MGAT4C: variants seen among roughly 807,000 people sequenced by gnomAD.
The protein encoded by MGAT4C is MGAT4 family member C.
MGAT4C carries 19 observed loss-of-function variants against 40.1 expected under a neutral mutation model. The observed-to-expected ratio is 0.47, with a 90% CI of 0.33 to 0.70. The LOEUF (loss-of-function observed/expected upper bound fraction) is 0.70. MGAT4C is among the 30% of genes least tolerant of loss of function. The pLI is 0.02. For missense variants in MGAT4C, 491 were observed against 563.2 expected, an observed-to-expected ratio of 0.87 and a Z score of 1.30; for synonymous variants, 181 against 187.1, an observed-to-expected ratio of 0.97 and a Z score of 0.27.
chr12:85,988,030 T>C (rs942687806), intron 3 of MGAT4C, among the ~76,000 whole-genome samples: 7 of 152,222 alleles, frequency 4.6e-5, no homozygotes, highest in African/African-American at 1.4e-4. Context: ...GTTGTCCTTA[T>C]TATATCTCAT....
At chr12:86,311,049 A>C (rs191244751) in intron 4 of MGAT4C, among the ~76,000 whole-genome samples, 1 of 152,332 alleles carries the variant, frequency 6.6e-6, no homozygotes, top group East Asian at 1.9e-4. Context: ...TCTCCAGATG[A>C]CTTTTCTATA....
chr12:86,296,906 C>A (rs768864630), intron 4 of MGAT4C, among the ~76,000 whole-genome samples: 5 of 152,244 alleles, frequency 3.3e-5, no homozygotes, highest in Non-Finnish European at 7.3e-5. Context: ...GCAGAGGAAG[C>A]GCCCAGAGCG....
intron 1 of MGAT4C, among the ~76,000 whole-genome samples, chr12:86,157,939 T>A (rs987170907): frequency 6.6e-6 from 1 of 152,124 alleles, no homozygotes; most frequent in Non-Finnish European, 1.5e-5. Flanking sequence ...CTATGACTTA[T>A]ACAATTCAGT....
intron 2 of MGAT4C, among the ~76,000 whole-genome samples, chr12:86,515,183 G>A (rs1200909735): frequency 1.3e-5 from 2 of 152,162 alleles, no homozygotes; most frequent in African/African-American, 4.8e-5. Flanking sequence ...CAGCTAGCAT[G>A]ATACTTAATG....
chr12:86,580,068 G>T (rs537086614), intron 2 of MGAT4C, among the ~76,000 whole-genome samples: 4 of 151,416 alleles, frequency 2.6e-5, no homozygotes, highest in Admixed American at 6.6e-5. Context: ...CTTGTACTTG[G>T]ATATTGATAT....
At chr12:86,214,029 C>T (rs1029517002) in intron 1 of MGAT4C, among the ~76,000 whole-genome samples, 1 of 152,188 alleles carries the variant, frequency 6.6e-6, no homozygotes, top group African/African-American at 2.4e-5. Flanking sequence ...TCATTGCATT[C>T]TTTAAAGTAT....
chr12:86,623,329 T>A (rs2136492038), intron 2 of MGAT4C, among the ~76,000 whole-genome samples: 1 of 152,278 alleles, frequency 6.6e-6, no homozygotes, highest in African/African-American at 2.4e-5. Flanking sequence ...TTTCCTACAT[T>A]TTCTAAGATC....
chr12:86,438,367 A>C (rs1592848214), intron 2 of MGAT4C, among the ~76,000 whole-genome samples: 1 of 151,946 alleles, frequency 6.6e-6, no homozygotes. Context: ...TTCGTTTATG[A>C]TATTTAAGGA....
At chr12:86,637,343 T>A (rs1963249759) in intron 2 of MGAT4C, among the ~76,000 whole-genome samples, 2 of 151,988 alleles carry the variant, frequency 1.3e-5, no homozygotes, top group African/African-American at 2.4e-5. Flanking sequence ...TTTTTAAAAT[T>A]TTAGCTTGGT....
At chr12:86,167,390 G>T (rs1349461045) in intron 1 of MGAT4C, among the ~76,000 whole-genome samples, 1 of 152,126 alleles carries the variant, frequency 6.6e-6, no homozygotes. Flanking sequence ...ATTGAATTAG[G>T]CAACACAATG....
intron 1 of MGAT4C, among the ~76,000 whole-genome samples, chr12:86,749,384 G>A (rs1199512485): frequency 6.6e-6 from 1 of 151,592 alleles, no homozygotes; most frequent in Admixed American, 6.6e-5. Context: ...TTTTGCATCT[G>A]TAAGATGTCT....
At chr12:86,292,623 G>A (rs967309011) in intron 4 of MGAT4C, among the ~76,000 whole-genome samples, 5 of 152,064 alleles carry the variant, frequency 3.3e-5, no homozygotes, top group Non-Finnish European at 7.4e-5. Context: ...GTAATGTGAT[G>A]TCTTTAAATT....
intron 1 of MGAT4C, among the ~76,000 whole-genome samples, chr12:86,114,410 G>A (rs564182663): frequency 6.6e-6 from 1 of 151,830 alleles, no homozygotes; most frequent in African/African-American, 2.4e-5. Flanking sequence ...AGAGGTTTGC[G>A]AGCATGACAT....
intron 2 of MGAT4C, among the ~76,000 whole-genome samples, chr12:86,686,951 A>C (rs909427886): frequency 6.6e-6 from 1 of 152,134 alleles, no homozygotes; most frequent in Non-Finnish European, 1.5e-5. Flanking sequence ...TTGGCTGTGA[A>C]TCCGTCTGGT....
chr12:86,540,334 C>A (rs1959151911), intron 2 of MGAT4C, among the ~76,000 whole-genome samples: 1 of 152,164 alleles, frequency 6.6e-6, no homozygotes, highest in Non-Finnish European at 1.5e-5. Context: ...AACTAACAAT[C>A]ATTTCTCAGG....
intron 1 of MGAT4C, among the ~76,000 whole-genome samples, chr12:86,255,626 C>T (rs1193979571): frequency 3.3e-5 from 5 of 151,986 alleles, no homozygotes; most frequent in South Asian, 2.1e-4. Flanking sequence ...TCTCTTAATT[C>T]CACAAAGAAA....
rs565134596 is a variant in MGAT4C at position 86,635,659 on chromosome 12, G to T, written c.-229+91550C>A. ...TTACTGTACCTTTTCTATATACATT[G>T]TGTGTGTGTGTGTGTGTGTGTGTAT... On this transcript the variant is annotated intron_variant, in intron 2 of 7. Transcript: ENST00000548651. Among the ~76,000 whole-genome samples the T allele has an allele frequency of 1.4e-5, 2 of 147,352 alleles. 1 individual carries two copies. Among genetic ancestry groups the T allele is most frequent in the South Asian group, 4.3e-4 (2 of 4,640 alleles).
rs1884311432 is a variant in MGAT4C at position 85,979,645 on chromosome 12, A to C, written c.1081T>G (p.Tyr361Asp). 1 of 1,612,450 alleles carries C rather than the reference A, an allele frequency of 6.2e-7. No homozygotes were observed. Among genetic ancestry groups the C allele is most frequent in the Non-Finnish European group, 8.5e-7 (1 of 1,179,710 alleles). The stretch of plus-strand genomic sequence containing the variant: ...CAAAAGTACTCATCAACACTACTGT[A>C]AGCCTTGCTTGCTTCATAATTTTCA... ...VFENYEASKA[Y>D]SSVDEYFWGK... The change falls in exon 5 of 5, where the codon TAC becomes GAC. Residue 361 changes from tyrosine (Y) to aspartate (D), a missense_variant. Transcript: ENST00000611864.
intron 2 of MGAT4C, among the ~76,000 whole-genome samples, chr12:86,626,645 GTTATTA>G (rs1962814363): frequency 6.6e-6 from 1 of 152,148 alleles, no homozygotes; most frequent in Non-Finnish European, 1.5e-5. Flanking sequence ...ATTTTCTAGT[GTTATTA>G]TTAAGATTAT....
Sources: gnomAD v4.1 joint callset for allele counts (sites outside exome capture counted in the v4.1 genomes callset) on GRCh38, gnomAD v4.1.1 for gene constraint, MANE v1.5 for transcripts, NCBI Gene and HGNC (gene_info 2026-07-23, HGNC 2026-07-21) for gene names.